CNTNAP3B: variants seen among roughly 807,000 people sequenced by gnomAD.
CNTNAP3B encodes contactin associated protein family member 3B.
Under a neutral mutation model 108.9 loss-of-function variants are expected in CNTNAP3B, and 25 were observed. That is an observed-to-expected ratio of 0.23 (90% CI 0.17 to 0.32). CNTNAP3B has a LOEUF of 0.32. Ranked by LOEUF, CNTNAP3B falls within the 10% of genes least tolerant of loss-of-function variation. The pLI is 1.00. For synonymous variants in CNTNAP3B, 103 were observed against 473.4 expected (o/e 0.22, Z 10.16); for missense variants, 252 against 1,210.4 (o/e 0.21, Z 11.75).
At chr9:41,963,133 T>G (rs1825157614) in intron 11 of CNTNAP3B, among the ~76,000 whole-genome samples, 1 of 152,292 alleles carries the variant, frequency 6.6e-6, no homozygotes. Context: ...GAATTCTCAT[T>G]GCATGTATGA....
At chr9:41,934,688 T>G (rs2645637) in intron 14 of CNTNAP3B, among the ~76,000 whole-genome samples, 1 of 152,292 alleles carries the variant, frequency 6.6e-6, no homozygotes, top group African/African-American at 2.4e-5. Context: ...TTGTATTTAC[T>G]TGGTAAATAT....
At chr9:41,927,424 G>A (rs1455657813) in intron 15 of CNTNAP3B, among the ~76,000 whole-genome samples, 3 of 146,886 alleles carry the variant, frequency 2.0e-5, no homozygotes, top group Non-Finnish European at 3.0e-5. Flanking sequence ...GAAAGAAAAA[G>A]AAAGAAAAGA....
intron 12 of CNTNAP3B, among the ~76,000 whole-genome samples, chr9:41,958,239 C>A (rs1434688052): frequency 6.6e-6 from 1 of 152,306 alleles, no homozygotes; most frequent in Non-Finnish European, 1.5e-5. Context: ...TCCCAAGTAG[C>A]TGGGACTACA....
intron 13 of CNTNAP3B, among the ~76,000 whole-genome samples, chr9:41,940,886 T>C (rs1374413136): frequency 6.6e-6 from 1 of 152,280 alleles, no homozygotes; most frequent in Non-Finnish European, 1.5e-5. Context: ...CTAGCAGACA[T>C]TCCCTAAAGA....
At chr9:42,075,512 A>G (rs940947630) in intron 3 of CNTNAP3B, among the ~76,000 whole-genome samples, 3 of 133,368 alleles carry the variant, frequency 2.2e-5, no homozygotes, top group African/African-American at 9.0e-5. Context: ...ATTAGTAAGA[A>G]CCTTAACCTT....
At chr9:41,925,441 A>C (rs1564144731) in intron 15 of CNTNAP3B, among the ~76,000 whole-genome samples, 2 of 152,284 alleles carry the variant, frequency 1.3e-5, no homozygotes, top group Non-Finnish European at 1.5e-5. Context: ...AAAATACAAA[A>C]AATTAGCCAG....
At chr9:42,054,670 T>C (rs140478282) in intron 3 of CNTNAP3B, among the ~76,000 whole-genome samples, 13 of 151,730 alleles carry the variant, frequency 8.6e-5, no homozygotes, top group Non-Finnish European at 1.3e-4. Flanking sequence ...ACATTAAACA[T>C]GGGAAAAAAA....
intron 2 of CNTNAP3B, among the ~76,000 whole-genome samples, chr9:42,079,614 C>A (rs1827569522): frequency 7.4e-6 from 1 of 134,232 alleles, no homozygotes; most frequent in Non-Finnish European, 1.6e-5. Flanking sequence ...CTCCAACTCC[C>A]TGGTTCAAGC....
At chr9:41,928,034 T>C (rs1823867984) in intron 15 of CNTNAP3B, among the ~76,000 whole-genome samples, 1 of 151,978 alleles carries the variant, frequency 6.6e-6, no homozygotes, top group Non-Finnish European at 1.5e-5. Context: ...ATAAGCATAT[T>C]TCATTTTAGA....
Position 41,939,064 on chromosome 9 carries a change from T to C in CNTNAP3B, c.2081-664A>G, listed in dbSNP as rs575892992. On this transcript the variant is annotated intron_variant, in intron 13 of 23. Transcript: ENST00000377561. ...GCCTCCTTCTCAGCACTGACAATGA[T>C]TAAATGATAGAGTCAGACACTAACT... Among the ~76,000 whole-genome samples, 3 of 152,404 alleles carry C rather than the reference T, an allele frequency of 2.0e-5. No individual in the cohort carries two copies. In the East Asian group the frequency reaches 5.8e-4, roughly 29 times the overall value.
At chr9:41,934,666 C>T (rs1230152992) in intron 14 of CNTNAP3B, among the ~76,000 whole-genome samples, 80 of 152,360 alleles carry the variant, frequency 5.3e-4, no homozygotes, top group African/African-American at 1.7e-3. Context: ...GCTATATCTG[C>T]TTTCTTTTGA....
chr9:42,116,818 T>G (rs1201258870), intron 1 of CNTNAP3B, among the ~76,000 whole-genome samples: 1 of 135,860 alleles, frequency 7.4e-6, no homozygotes, highest in South Asian at 2.3e-4. Context: ...AAAATAAAGG[T>G]ATGGAGGAAG....
intron 3 of CNTNAP3B, among the ~76,000 whole-genome samples, chr9:42,071,893 G>C (rs542379077): frequency 6.6e-6 from 1 of 151,160 alleles, no homozygotes; most frequent in Non-Finnish European, 1.5e-5. Flanking sequence ...TTTACTGAGA[G>C]GTGGAAGCCC....
chr9:42,098,222 G>T (rs1312478145), intron 2 of CNTNAP3B, among the ~76,000 whole-genome samples: 2 of 135,278 alleles, frequency 1.5e-5, no homozygotes, highest in Non-Finnish European at 3.1e-5. Flanking sequence ...CCTCAGAGAA[G>T]CAGAAACTCT....
rs1013836934 is a variant in CNTNAP3B at position 41,917,341 on chromosome 9, A to C, written c.2995+2729T>G. Among the ~76,000 whole-genome samples, 7 of 141,294 alleles carry C rather than the reference A, an allele frequency of 5.0e-5. 2 individuals carry two copies. The highest frequency in any genetic ancestry group is 1.9e-4 in the African/African-American group (7 of 36,010). The allele number at this position is 141,294 out of a possible 152,430, so 92.7% of individuals were successfully genotyped here. A position where few individuals can be genotyped will look rare whatever the true frequency, so the allele number is the denominator to read the frequency against. On this transcript the variant is annotated intron_variant, in intron 18 of 23. Coordinates refer to ENST00000377561, the MANE Select transcript of CNTNAP3B (RefSeq NM_001201380.3). ...CTTAACTCATTACTCTCTTAGAGTT[A>C]TCAACATTCTCTTAATTGCTTACTG...
rs944121511 is a variant in CNTNAP3B at position 42,056,507 on chromosome 9, C to A, written c.390+20362G>T. Among the ~76,000 whole-genome samples, 7 of 137,550 alleles carry A rather than the reference C, an allele frequency of 5.1e-5. 1 individual carries two copies. Among genetic ancestry groups the A allele is most frequent in the Non-Finnish European group, 9.3e-5 (6 of 64,444 alleles). The allele number at this position is 137,550 out of a possible 152,430, so 90.2% of individuals were successfully genotyped here. On this transcript the variant is annotated intron_variant, in intron 3 of 23. Coordinates refer to ENST00000377561, the MANE Select transcript of CNTNAP3B (RefSeq NM_001201380.3). ...CTGGGACTACAGGCGCCCGCCACCA[C>A]ACCTGGCTAATTTTTTGTATTTTTA...
At chr9:41,967,459 G>A (rs1205004487) in intron 10 of CNTNAP3B, among the ~76,000 whole-genome samples, 2 of 151,936 alleles carry the variant, frequency 1.3e-5, no homozygotes, top group East Asian at 1.9e-4. Flanking sequence ...AATCCATTAA[G>A]CCTTTTTTCT....
intron 14 of CNTNAP3B, among the ~76,000 whole-genome samples, chr9:41,933,216 T>A (rs1298643307): frequency 6.6e-6 from 1 of 152,244 alleles, no homozygotes; most frequent in Non-Finnish European, 1.5e-5. Context: ...GGGCTAATTT[T>A]TTTTTGTCAT....
chr9:42,071,953 T>A (rs1827386865), intron 3 of CNTNAP3B, among the ~76,000 whole-genome samples: 1 of 150,250 alleles, frequency 6.7e-6, no homozygotes, highest in Non-Finnish European at 1.5e-5. Context: ...ATAAACTTAG[T>A]TTTGGATGTG....
Sources: allele counts gnomAD v4.1 joint callset (sites outside exome capture counted in the v4.1 genomes callset), GRCh38; gene constraint gnomAD v4.1.1; transcripts MANE v1.5; gene names NCBI Gene and HGNC (gene_info 2026-07-23, HGNC 2026-07-21).